PIEZO1: variants seen among roughly 807,000 people sequenced by gnomAD.
PIEZO1 encodes piezo type mechanosensitive ion channel component 1 (Er blood group).
A neutral mutation model predicts 297.2 loss-of-function variants in PIEZO1; 296 were observed. That is an observed-to-expected ratio of 1.00 (90% CI 0.91 to 1.10). The LOEUF is 1.10. Ranked by LOEUF, PIEZO1 falls within the 50% of genes least tolerant of loss-of-function variation. The probability of loss-of-function intolerance (pLI) is 0.00; values close to 1 mark genes in which losing one functional copy is unlikely to be tolerated. For synonymous variants in PIEZO1, 2,427 were observed against 1,507.5 expected (o/e 1.61, Z -14.13); for missense variants, 5,018 against 3,455.5 (o/e 1.45, Z -11.34).
intron 1 of PIEZO1, among the ~76,000 whole-genome samples, chr16:88,778,025 T>C (rs2968482): frequency 0.3 from 45,775 of 152,244 alleles, 7,046 homozygotes; most frequent in Middle Eastern, 0.42. Flanking sequence ...CCTGCGGGCC[T>C]GGGAATCTGT....
intron 1 of PIEZO1, among the ~76,000 whole-genome samples, chr16:88,759,474 T>C (rs1254483826): frequency 6.6e-6 from 1 of 152,152 alleles, no homozygotes; most frequent in African/African-American, 2.4e-5. Flanking sequence ...CTCTCTGCCT[T>C]ATTTGGCTTG....
chr16:88,724,092 G>A (rs1768155884), intron 30 of PIEZO1, 121 bp from the exon 31 acceptor site: 3 of 654,978 alleles, frequency 4.6e-6, no homozygotes, highest in African/African-American at 1.8e-5. Context: ...GCCGGGAGCA[G>A]TGCAGGCACA....
Position 88,733,439 on chromosome 16 carries a change from G to A in PIEZO1, c.2503C>T (p.Leu835=). The change falls in exon 19 of 51, where the codon CTG becomes TTG. Residue 835 remains leucine (L), a synonymous_variant. Transcript: ENST00000301015. ...VALKEVSVMN[L]LLVVLWAFAL... ...AAGGCCCACAGCACCACCAGCAGCAGGTTCATCACCGACACCTGAGGGCAG... is the reference window on the plus strand; with the variant it reads ...AAGGCCCACAGCACCACCAGCAGCAAGTTCATCACCGACACCTGAGGGCAG... 7 of 1,549,162 alleles carry A rather than the reference G, an allele frequency of 4.5e-6. No individual in the cohort carries two copies. Among genetic ancestry groups the A allele is most frequent in the Non-Finnish European group, 6.1e-6 (7 of 1,146,114 alleles).
rs543124818 is a variant in PIEZO1 at position 88,783,194 on chromosome 16, A to C, written c.64+1707T>G. 3.3e-5 allele frequency among the ~76,000 whole-genome samples: 5 copies of C among 152,252 alleles called. No homozygotes were observed. In the East Asian group the frequency reaches 9.7e-4, roughly 29 times the overall value. On this transcript the variant is annotated intron_variant, in intron 1 of 50. Coordinates refer to ENST00000301015, the MANE Select transcript of PIEZO1 (RefSeq NM_001142864.4). ...TCCCTCCCCCAGATCCCCCACGCGGATAGCAATCGAGAAGGCAGAACCCAG... is the reference window on the plus strand; with the variant it reads ...TCCCTCCCCCAGATCCCCCACGCGGCTAGCAATCGAGAAGGCAGAACCCAG...
intron 23 of PIEZO1, 59 bp from the exon 24 acceptor site, chr16:88,727,251 C>T (rs901282566): frequency 9.5e-5 from 138 of 1,460,184 alleles, no homozygotes; most frequent in Non-Finnish European, 1.1e-4. Context: ...GTGGGCACGG[C>T]GCATAAATCC....
chr16:88,727,097 C>A lies in PIEZO1; in HGVS notation c.3397G>T (p.Asp1133Tyr). 2 of 1,549,828 alleles carry A rather than the reference C, an allele frequency of 1.3e-6. No homozygotes were observed. Among genetic ancestry groups the A allele is most frequent in the South Asian group, 1.2e-5 (1 of 84,018 alleles). ...EWQRMAGVNT[D>Y]RLEPLRGEPN... ...TCCCCCCGCAGCGGCTCCAGGCGGT[C>A]GGTGTTGACGCCAGCCATGCGCTGC... The change falls in exon 24 of 51, where the codon GAC becomes TAC. Residue 1133 changes from aspartate to tyrosine, a missense_variant. Coordinates refer to ENST00000301015, the MANE Select transcript of PIEZO1 (RefSeq NM_001142864.4).
At position 88,726,321 on chromosome 16, in the gene PIEZO1, T is replaced by C. The variant is rs941138321; in HGVS notation, c.3931A>G (p.Arg1311Gly). ...VFLSHYYLHV[R>G]ADLQATALLA... ...AGGGCGGTGGCCTGGAGGTCGGCCC[T>C]GACGTGCAGGTAGTAATGGCTAAGG... Residue 1311 changes from arginine to glycine, a missense_variant, in exon 27 of 51, where the codon AGG (arginine) becomes GGG (glycine). Arg to Gly is a moderately radical substitution (Grantham distance 125, BLOSUM62 -2). Coordinates refer to ENST00000301015, the MANE Select transcript of PIEZO1 (RefSeq NM_001142864.4). 6.5e-7 allele frequency: 1 copy of C among 1,550,226 alleles called. No individual in the cohort carries two copies. The highest frequency in any genetic ancestry group is 2.0e-5 in the Admixed American group (1 of 50,994).
chr16:88,735,529 G>T (rs1905153124), intron 12 of PIEZO1, among the ~76,000 whole-genome samples: 1 of 152,276 alleles, frequency 6.6e-6, no homozygotes, highest in Admixed American at 6.5e-5. Context: ...ACAGATCCAT[G>T]CACGCACCTG....
chr16:88,725,061 GCCC>G lies in PIEZO1; in HGVS notation c.4179_4181del (p.Gly1394del), dbSNP rs1290512902. On this transcript the variant is annotated inframe_deletion, in exon 30 of 51. Transcript: ENST00000301015. ...ACCACTGCCTCCGTGGCGGGGAGGA[GCCC>G]CCTGGACTGTCGGGCCCTGTGGAGG... The G allele has an allele frequency of 4.7e-6, 7 of 1,500,602 alleles. No individual in the cohort carries two copies. Among genetic ancestry groups the G allele is most frequent in the Non-Finnish European group, 4.4e-6 (5 of 1,127,244 alleles). The allele number at this position is 1,500,602 out of a possible 1,614,324, so 93.0% of individuals were successfully genotyped here. A position where few individuals can be genotyped will look rare whatever the true frequency, so the allele number is the denominator to read the frequency against.
chr16:88,748,442 C>T (rs1246265113), intron 2 of PIEZO1, among the ~76,000 whole-genome samples: 1 of 65,580 alleles, frequency 1.5e-5, no homozygotes, highest in African/African-American at 5.6e-5. Flanking sequence ...CAACACAGTC[C>T]TGGCCCAGCT....
chr16:88,784,726 C>T (rs958368915), intron 1 of PIEZO1, among the ~76,000 whole-genome samples, 175 bp downstream of exon 1: 1 of 151,650 alleles, frequency 6.6e-6, no homozygotes, highest in Admixed American at 6.6e-5. Flanking sequence ...AGCCCCGCCG[C>T]CGCCTGGCGC....
intron 22 of PIEZO1, among the ~76,000 whole-genome samples, chr16:88,730,770 G>A (rs1904748914): frequency 6.6e-6 from 1 of 152,156 alleles, no homozygotes; most frequent in Non-Finnish European, 1.5e-5. Context: ...TGGCCGGAGG[G>A]GCCAGGACCC....
chr16:88,732,592 A>G lies in PIEZO1; in HGVS notation c.2790+15T>C, dbSNP rs1443362899. On this transcript the variant is annotated intron_variant, in intron 20 of 50. Coordinates refer to ENST00000301015, the MANE Select transcript of PIEZO1 (RefSeq NM_001142864.4). ...GTACTCGCCCGCCCAGCCGCCCACCAGCCCTTCAACTCACCTGGATGTAGC... is the reference window on the plus strand; with the variant it reads ...GTACTCGCCCGCCCAGCCGCCCACCGGCCCTTCAACTCACCTGGATGTAGC... 6.5e-7 allele frequency: 1 copy of G among 1,545,564 alleles called. No homozygotes were observed. The highest frequency in any genetic ancestry group is 1.4e-5 in the African/African-American group (1 of 72,956).
Position 88,737,820 on chromosome 16 carries a change from G to C in PIEZO1, c.1021-6C>G, listed in dbSNP as rs994425923. ...CCCTTTGCCGCCTCCTTCCTCTGCA[G>C]AGACCAGCGTCTTGAGCCCAAACCA... is the stretch of plus-strand genomic sequence containing the variant. On this transcript the variant is annotated splice_polypyrimidine_tract_variant and splice_region_variant and intron_variant, in intron 8 of 50. Coordinates refer to ENST00000301015, the MANE Select transcript of PIEZO1 (RefSeq NM_001142864.4). 6.5e-7 allele frequency: 1 copy of C among 1,535,776 alleles called. No homozygotes were observed. The highest frequency in any genetic ancestry group is 8.7e-7 in the Non-Finnish European group (1 of 1,146,678).
At position 88,716,140 on chromosome 16, in the gene PIEZO1, C is replaced by G. The variant is rs569865767; in HGVS notation, c.7130-21G>C. On this transcript the variant is annotated intron_variant, in intron 49 of 50. Coordinates refer to ENST00000301015, the MANE Select transcript of PIEZO1 (RefSeq NM_001142864.4). ...CTCATCTGGGATGGAGGGAGAAGAT[C>G]GTTGAGGCCGCAGGTCACCCCTCTC... is the stretch of plus-strand genomic sequence containing the variant. 4.5e-5 allele frequency: 69 copies of G among 1,532,534 alleles called. 1 individual carries two copies. Among genetic ancestry groups the G allele is most frequent in the South Asian group, 3.8e-4 (31 of 81,930 alleles). 94.9% of individuals were successfully genotyped at this position (1,532,534 alleles called of 1,614,324 possible). A position where few individuals can be genotyped will look rare whatever the true frequency, so the allele number is the denominator to read the frequency against.
chr16:88,750,107 G>A (rs966664295), intron 1 of PIEZO1, among the ~76,000 whole-genome samples: 2 of 151,914 alleles, frequency 1.3e-5, no homozygotes, highest in Non-Finnish European at 2.9e-5. Flanking sequence ...GGCTGCAGCA[G>A]GAGGATCACC....
At chr16:88,726,684 G>GC in intron 25 of PIEZO1, 31 bp downstream of exon 25, 1 of 1,545,044 alleles carries the variant, frequency 6.5e-7, no homozygotes, top group Non-Finnish European at 8.8e-7. Context: ...GGGGCCCCAG[G>GC]GCGGTGGGTG....
chr16:88,752,678 AG>A (rs1312903040), intron 1 of PIEZO1, among the ~76,000 whole-genome samples: 3 of 152,048 alleles, frequency 2.0e-5, no homozygotes, highest in Non-Finnish European at 4.4e-5. Flanking sequence ...CCCCTGGCCG[AG>A]CCAGAGGGGA....
rs1405876496 is a variant in PIEZO1, at chr16:88,722,748, T to TA, written c.4669-60_4669-59insT. 126 of 1,527,956 alleles carry TA rather than the reference T, an allele frequency of 8.2e-5. 2 individuals are homozygous for TA. In the Middle Eastern group the frequency reaches 1.0e-3, roughly 12 times the overall value. The allele number at this position is 1,527,956 out of a possible 1,614,324, so 94.6% of individuals were successfully genotyped here. A position where few individuals can be genotyped will look rare whatever the true frequency, so the allele number is the denominator to read the frequency against. ...CCAGCTCTTGTCCCCACACGGGGTT[T>TA]CGTGCAGTGGGCGCGGGACTAGGCT... On this transcript the variant is annotated intron_variant, in intron 34 of 50. Transcript: ENST00000301015.
Sources: gnomAD v4.1 joint callset for allele counts (sites outside exome capture counted in the v4.1 genomes callset) on GRCh38, gnomAD v4.1.1 for gene constraint, MANE v1.5 for transcripts, NCBI Gene and HGNC (gene_info 2026-07-23, HGNC 2026-07-21) for gene names.